The following MINAR1 variants were observed in gnomAD, a reference collection of about 807,000 sequenced individuals.
The protein encoded by MINAR1 is major intrinsically disordered Notch2-binding receptor 1.
Under a neutral mutation model 65.1 loss-of-function variants are expected in MINAR1, and 40 were observed. That is an observed-to-expected ratio of 0.61 (90% CI 0.48 to 0.80). The LOEUF is 0.80. Among genes scored for constraint, MINAR1 ranks in the 30% least tolerant of loss-of-function variants. The pLI is 0.00. For synonymous variants in MINAR1, 482 were observed against 449.1 expected, an observed-to-expected ratio of 1.07 and a Z score of -0.93; for missense variants, 1,128 against 1,148.0, an observed-to-expected ratio of 0.98 and a Z score of 0.25.
intron 1 of MINAR1, among the ~76,000 whole-genome samples, chr15:79,452,319 TGTGTGTCTGGATGA>T (rs1456530980): frequency 6.6e-6 from 1 of 151,866 alleles, no homozygotes; most frequent in Non-Finnish European, 1.5e-5. Flanking sequence ...TGTCTGGATG[TGTGTGTCTGGATGA>T]GTGTGACTGA....
In MINAR1 at chr15:79,470,117, TTTCAGTAACCG is replaced by T. The variant is rs1896025398; in HGVS notation, c.*1734_*1744del. ...ATCATGTTTATGTATGGATTTTCAA[TTTCAGTAACCG>T]AAAACTTAAGCCTTAGTATGAAAAA... On this transcript the variant is annotated 3_prime_UTR_variant, in exon 4 of 4. Transcript: ENST00000305428. 1 of 152,578 alleles carries T rather than the reference TTTCAGTAACCG, an allele frequency of 6.6e-6. No individual in the cohort carries two copies. Among genetic ancestry groups the T allele is most frequent in the Non-Finnish European group, 1.5e-5 (1 of 68,034 alleles). The allele number at this position is 152,578 out of a possible 1,614,324, so 9.5% of individuals were successfully genotyped here. A position where few individuals can be genotyped will look rare whatever the true frequency, so the allele number is the denominator to read the frequency against.
In MINAR1 at chr15:79,471,280, A is replaced by C. The variant is rs1003141990; in HGVS notation, c.*2896A>C. 2 of 152,566 alleles carry C rather than the reference A, an allele frequency of 1.3e-5. No homozygotes were observed. Among genetic ancestry groups the C allele is most frequent in the Non-Finnish European group, 2.9e-5 (2 of 68,050 alleles). The allele number at this position is 152,566 out of a possible 1,614,324, so 9.5% of individuals were successfully genotyped here. ...TTCACTTCGTTTTTCCTGCATTTTA[A>C]AAGTAATAAAATATTATTTGAGATT... On this transcript the variant is annotated 3_prime_UTR_variant, in exon 4 of 4. Transcript: ENST00000305428.
At position 79,469,705 on chromosome 15, in the gene MINAR1, A is replaced by G. The variant is rs551408496; in HGVS notation, c.*1321A>G. On this transcript the variant is annotated 3_prime_UTR_variant, in exon 4 of 4. Transcript: ENST00000305428. ...CCACCTGCTGAATGGTGCTCTGACA[A>G]TAATGGAACAGAAAGAATCCTTATC... is the stretch of plus-strand genomic sequence containing the variant. The G allele has an allele frequency of 6.5e-6, 1 of 152,772 alleles. No individual in the cohort carries two copies. Among genetic ancestry groups the G allele is most frequent in the East Asian group, 1.9e-4 (1 of 5,188 alleles). The allele number at this position is 152,772 out of a possible 1,614,324, so 9.5% of individuals were successfully genotyped here.
At chr15:79,445,547 G>GTTT (rs1306534951) in intron 1 of MINAR1, among the ~76,000 whole-genome samples, 1 of 71,110 alleles carries the variant, frequency 1.4e-5, no homozygotes, top group African/African-American at 6.3e-5. Flanking sequence ...TTCTGTGACA[G>GTTT]TTATTTTTTT....
the MINAR1 span, chr15:79,414,876 G>A: frequency 1.3e-5 from 2 of 152,274 alleles, no homozygotes; most frequent in East Asian, 3.9e-4. Flanking sequence ...TCCAAGACGG[G>A]TACAAACCAG....
intron 1 of MINAR1, among the ~76,000 whole-genome samples, chr15:79,452,855 G>T (rs1895280097): frequency 6.7e-6 from 1 of 150,032 alleles, no homozygotes; most frequent in Admixed American, 6.6e-5. Context: ...GTGTATGGGT[G>T]AGTCTGTGTG....
rs1433594202 is a variant in MINAR1, at chr15:79,471,071, A to AG, written c.*2689dup. The AG allele has an allele frequency of 6.6e-6, 1 of 152,136 alleles. No individual in the cohort carries two copies. The highest frequency in any genetic ancestry group is 2.4e-5 in the African/African-American group (1 of 41,410). The allele number at this position is 152,136 out of a possible 1,614,324, so 9.4% of individuals were successfully genotyped here. A position where few individuals can be genotyped will look rare whatever the true frequency, so the allele number is the denominator to read the frequency against. ...AGAATGAGCAAGATAGAGTCTGGCT[A>AG]GGAGGGAAACATCTATCCATCTCTC... is the stretch of plus-strand genomic sequence containing the variant. On this transcript the variant is annotated 3_prime_UTR_variant, in exon 4 of 4. Coordinates refer to ENST00000305428, the MANE Select transcript of MINAR1 (RefSeq NM_015206.3).
In MINAR1 at chr15:79,457,982, C is replaced by T. The variant is rs1214250568; in HGVS notation, c.1835C>T (p.Ser612Phe). 3.7e-6 allele frequency: 6 copies of T among 1,613,994 alleles called. No homozygotes were observed. The highest frequency in any genetic ancestry group is 1.7e-5 in the Admixed American group (1 of 60,008). The stretch of plus-strand genomic sequence containing the variant: ...GGCGAAATTGAACGGAAGCTGGAAT[C>T]CCTGTCGGGTGTCCGTGATGAAATC... The part of the protein sequence containing the change: ...RIGEIERKLE[S>F]LSGVRDEISQ... The change falls in exon 2 of 4, where the codon TCC becomes TTC. Residue 612 changes from serine (S) to phenylalanine (F), a missense_variant. Physicochemically the swap from Ser to Phe is radical, Grantham distance 155. Coordinates refer to ENST00000305428, the MANE Select transcript of MINAR1 (RefSeq NM_015206.3).
chr15:79,471,400 A>C lies in MINAR1; in HGVS notation c.*3016A>C, dbSNP rs1408196684. ...CATCTTCTAATCTGAATTTGTTTTG[A>C]ACACAGCCTTGCAGAAAAGCAAAAA... On this transcript the variant is annotated 3_prime_UTR_variant, in exon 4 of 4. Transcript: ENST00000305428. 1 of 152,596 alleles carries C rather than the reference A, an allele frequency of 6.6e-6. No homozygotes were observed. Among genetic ancestry groups the C allele is most frequent in the Non-Finnish European group, 1.5e-5 (1 of 68,032 alleles). The allele number at this position is 152,596 out of a possible 1,614,324, so 9.5% of individuals were successfully genotyped here. A position where few individuals can be genotyped will look rare whatever the true frequency, so the allele number is the denominator to read the frequency against.
chr15:79,412,615 A>T, the MINAR1 span: 2 of 152,454 alleles, frequency 1.3e-5, no homozygotes, highest in Non-Finnish European at 2.9e-5. Flanking sequence ...TGAGGGGCCC[A>T]CCTTCCCATG....
At position 79,458,277 on chromosome 15, in the gene MINAR1, G is replaced by C. The variant is rs150720259; in HGVS notation, c.2130G>C (p.Arg710Ser). ...GCCTCTTCACCAGGCCATCCTCTAGGTCCCTAACAGAGGAGAACAGTGCCA... is the reference window on the plus strand; with the variant it reads ...GCCTCTTCACCAGGCCATCCTCTAGCTCCCTAACAGAGGAGAACAGTGCCA... ...KKSLFTRPSS[R>S]SLTEENSATE... The change falls in exon 2 of 4, where the codon AGG (arginine) becomes AGC (serine). Residue 710 changes from arginine (R) to serine (S), a missense_variant. Physicochemically the swap from Arg to Ser is moderately radical, Grantham distance 110. Coordinates refer to ENST00000305428, the MANE Select transcript of MINAR1 (RefSeq NM_015206.3). The C allele has an allele frequency of 6.8e-4, 1,101 of 1,614,074 alleles. 1 individual carries two copies. Among genetic ancestry groups the C allele is most frequent in the Middle Eastern group, 8.2e-4 (5 of 6,062 alleles).
Position 79,457,117 on chromosome 15 carries a change from A to G in MINAR1, c.970A>G (p.Arg324Gly). 6.2e-7 allele frequency: 1 copy of G among 1,614,162 alleles called. No homozygotes were observed. The highest frequency in any genetic ancestry group is 1.1e-5 in the South Asian group (1 of 91,074). ...NPVYSPVPDK[R>G]RAKHESLDDL... ...AGTGTATTCCCCGGTTCCTGACAAA[A>G]GGCGAGCAAAGCACGAAAGCTTAGA... Residue 324 changes from arginine to glycine, a missense_variant, in exon 2 of 4, where the codon AGG (arginine) becomes GGG (glycine). Transcript: ENST00000305428.
chr15:79,427,976 G>A (rs1040315021), upstream of MINAR1, among the ~76,000 whole-genome samples: 4 of 152,150 alleles, frequency 2.6e-5, no homozygotes, highest in African/African-American at 7.2e-5. Flanking sequence ...GTAAAAATGT[G>A]TACTGCTTGC....
At chr15:79,412,545 C>T in the MINAR1 span, 2 of 152,418 alleles carry the variant, frequency 1.3e-5, no homozygotes, top group Admixed American at 1.3e-4. Context: ...ACCTGCCAGT[C>T]TCCCGCTCCC....
At chr15:79,435,961 G>C (rs113083892) in intron 1 of MINAR1, among the ~76,000 whole-genome samples, 2 of 152,196 alleles carry the variant, frequency 1.3e-5, no homozygotes, top group African/African-American at 4.8e-5. Context: ...TTGAAATCAG[G>C]TATGGCCATG....
Position 79,468,277 on chromosome 15 carries a change from G to C in MINAR1, c.2644G>C (p.Ala882Pro). Residue 882 changes from alanine to proline, a missense_variant, in exon 4 of 4, where the codon GCC becomes CCC. Coordinates refer to ENST00000305428, the MANE Select transcript of MINAR1 (RefSeq NM_015206.3). ...GYDSLLKRKE[A>P]EFRRAKVCKI... is the part of the protein sequence containing the mutation. ...CGATTCATTACTAAAACGTAAAGAA[G>C]CCGAATTCAGACGAGCCAAGGTCTG... 6.2e-7 allele frequency: 1 copy of C among 1,614,076 alleles called. No individual in the cohort carries two copies. The highest frequency in any genetic ancestry group is 8.5e-7 in the Non-Finnish European group (1 of 1,179,978).
rs553898847 is a variant in MINAR1 at position 79,463,118 on chromosome 15, A to G, written c.2350A>G (p.Lys784Glu). The G allele has an allele frequency of 1.2e-6, 2 of 1,614,184 alleles. No individual in the cohort carries two copies. The highest frequency in any genetic ancestry group is 2.2e-5 in the South Asian group (2 of 91,078). ...ACAGCACCGACTGCCCAAGCAGCCC[A>G]AAGATGGCTTCCTGGTGGAGCAGGT... ...PPQHRLPKQP[K>E]DGFLVEQVFS... is the part of the protein sequence containing the mutation. Residue 784 changes from lysine to glutamate, a missense_variant, in exon 3 of 4, where the codon AAA (lysine) becomes GAA (glutamate). By Grantham distance (56) the Lys-to-Glu change is moderately conservative. Transcript: ENST00000305428.
chr15:79,443,179 G>T (rs1361677811), intron 1 of MINAR1, among the ~76,000 whole-genome samples: 2 of 152,204 alleles, frequency 1.3e-5, no homozygotes, highest in African/African-American at 2.4e-5. Flanking sequence ...GGCTGTGGGA[G>T]GCAGGCTTTG....
upstream of MINAR1, among the ~76,000 whole-genome samples, chr15:79,430,683 A>G (rs2141271028): frequency 6.6e-6 from 1 of 152,340 alleles, no homozygotes; most frequent in East Asian, 1.9e-4. Flanking sequence ...CTTCACTCCT[A>G]CTTTACATTT....
Sources: gnomAD v4.1 joint callset for allele counts (sites outside exome capture counted in the v4.1 genomes callset) on GRCh38, gnomAD v4.1.1 for gene constraint, MANE v1.5 for transcripts, NCBI Gene and HGNC (gene_info 2026-07-23, HGNC 2026-07-21) for gene names.